FRMD4A: variants seen among roughly 807,000 people sequenced by gnomAD.
The protein encoded by FRMD4A is FERM domain containing 4A.
Under a neutral mutation model 129.1 loss-of-function variants are expected in FRMD4A, and 29 were observed. The observed-to-expected ratio is 0.22, with a 90% confidence interval of 0.17 to 0.31. The LOEUF is 0.31. Among genes scored for constraint, FRMD4A ranks in the 10% least tolerant of loss-of-function variants. The probability of loss-of-function intolerance (pLI) is 1.00; values close to 1 mark genes in which losing one functional copy is unlikely to be tolerated. For missense variants in FRMD4A, 1,272 were observed against 1,375.8 expected, an observed-to-expected ratio of 0.92 and a Z score of 1.19; for synonymous variants, 634 against 571.6, an observed-to-expected ratio of 1.11 and a Z score of -1.56.
At chr10:13,812,592 A>AG (rs1339811213) in intron 3 of FRMD4A, among the ~76,000 whole-genome samples, 7 of 152,256 alleles carry the variant, frequency 4.6e-5, no homozygotes, top group Non-Finnish European at 1.0e-4. Context: ...GACTTTTAAC[A>AG]GGGACACGGA....
At chr10:13,787,836 C>T (rs2092906394) in intron 5 of FRMD4A, among the ~76,000 whole-genome samples, 1 of 148,408 alleles carries the variant, frequency 6.7e-6, no homozygotes, top group South Asian at 2.1e-4. Flanking sequence ...AATCCCAGCA[C>T]TTTGGGAGGC....
rs1257068368 is a variant in FRMD4A at position 13,699,238 on chromosome 10, T to TG, written c.975+2101_975+2102insC. On this transcript the variant is annotated intron_variant, in intron 14 of 24. Coordinates refer to ENST00000357447, the MANE Select transcript of FRMD4A (RefSeq NM_018027.5). ...GCTTGGTTATTGTTTTTTTTTTTTTTTTTTTTTTTTGTATTTTTAGTAAAG... is the reference window on the plus strand; with the variant it reads ...GCTTGGTTATTGTTTTTTTTTTTTTTGTTTTTTTTTTGTATTTTTAGTAAAG... 6.8e-3 allele frequency among the ~76,000 whole-genome samples: 999 copies of TG among 147,038 alleles called. 10 individuals carry two copies. The highest frequency in any genetic ancestry group is 0.022 in the African/African-American group (893 of 40,086).
intron 15 of FRMD4A, among the ~76,000 whole-genome samples, chr10:13,688,354 T>G (rs2085301863): frequency 6.7e-6 from 1 of 150,370 alleles, no homozygotes; most frequent in African/African-American, 2.5e-5. Context: ...TGAGAACACA[T>G]GGACACAGGA....
intron 2 of FRMD4A, among the ~76,000 whole-genome samples, chr10:13,861,549 A>G (rs1441191766): frequency 6.6e-6 from 1 of 152,188 alleles, no homozygotes; most frequent in Non-Finnish European, 1.5e-5. Context: ...AGTTTCACAT[A>G]CTCCTAAACA....
chr10:13,705,328 G>A (rs2087312054), intron 13 of FRMD4A, among the ~76,000 whole-genome samples: 1 of 152,154 alleles, frequency 6.6e-6, no homozygotes, highest in African/African-American at 2.4e-5. Context: ...CACCAATAGG[G>A]CGACAGACGC....
chr10:14,151,113 T>G (rs1840316996), intron 2 of FRMD4A, among the ~76,000 whole-genome samples: 1 of 152,182 alleles, frequency 6.6e-6, no homozygotes, highest in African/African-American at 2.4e-5. Context: ...CCCTCCTGAG[T>G]CTGGTAGGGT....
At chr10:13,962,444 T>C (rs1004394185) in intron 2 of FRMD4A, among the ~76,000 whole-genome samples, 2 of 152,200 alleles carry the variant, frequency 1.3e-5, no homozygotes, top group African/African-American at 4.8e-5. Context: ...AACTTGTCTC[T>C]TACATGATGA....
rs867446041 is a variant in FRMD4A, at chr10:13,657,200, T to C, written c.2389A>G (p.Ser797Gly). ...GCCAGGTTGGGCATGCTGCCCGAGC[T>C]GGCTGAGCCCAGTGCGCCCGCCGCC... Reference protein sequence around the residue: ...QRAAGALGSASSGSMPNLAAR... With the variant: ...QRAAGALGSAGSGSMPNLAAR... Residue 797 changes from serine (S) to glycine (G), a missense_variant, in exon 22 of 25, where the codon AGC (serine) becomes GGC (glycine). Physicochemically the swap from Ser to Gly is moderately conservative, Grantham distance 56. This residue lies in a region of FRMD4A where 972 missense variants were observed against 892.3 expected (regional missense o/e 1.09). Transcript: ENST00000357447. The C allele has an allele frequency of 5.2e-6, 8 of 1,527,186 alleles. No homozygotes were observed. Among genetic ancestry groups the C allele is most frequent in the South Asian group, 2.4e-5 (2 of 82,444 alleles). The allele number at this position is 1,527,186 out of a possible 1,614,324, so 94.6% of individuals were successfully genotyped here.
intron 6 of FRMD4A, among the ~76,000 whole-genome samples, chr10:13,776,191 A>G (rs1174189824): frequency 6.6e-6 from 1 of 152,010 alleles, no homozygotes; most frequent in African/African-American, 2.4e-5. Flanking sequence ...ACTCACTGCA[A>G]CCTCCGCCTT....
intron 2 of FRMD4A, among the ~76,000 whole-genome samples, chr10:14,135,182 G>A (rs773847098): frequency 5.3e-5 from 8 of 152,160 alleles, no homozygotes; most frequent in Non-Finnish European, 1.0e-4. Context: ...AACTTAATAT[G>A]GCCTGAGAAA....
intron 2 of FRMD4A, among the ~76,000 whole-genome samples, chr10:14,064,229 A>T (rs956654019): frequency 6.6e-6 from 1 of 152,218 alleles, no homozygotes; most frequent in African/African-American, 2.4e-5. Context: ...GAGGTCCTGA[A>T]AATAGGCTAT....
intron 2 of FRMD4A, among the ~76,000 whole-genome samples, chr10:14,295,017 G>C (rs998777369): frequency 1.4e-4 from 21 of 152,150 alleles, no homozygotes; most frequent in Non-Finnish European, 2.4e-4. Context: ...AGAAGACAAA[G>C]TATTTTTAGT....
intron 12 of FRMD4A, among the ~76,000 whole-genome samples, chr10:13,709,845 T>C (rs761761592): frequency 1.3e-5 from 2 of 152,140 alleles, no homozygotes; most frequent in Non-Finnish European, 2.9e-5. Context: ...TCTTTCTTTA[T>C]ATCTTTATTC....
intron 2 of FRMD4A, among the ~76,000 whole-genome samples, chr10:13,961,389 T>C (rs2095444802): frequency 6.6e-6 from 1 of 152,204 alleles, no homozygotes; most frequent in African/African-American, 2.4e-5. Context: ...ATAGGCCAGC[T>C]GGTTTTCAAA....
chr10:13,768,961 A>T (rs2092371166), intron 6 of FRMD4A, among the ~76,000 whole-genome samples: 1 of 149,592 alleles, frequency 6.7e-6, no homozygotes, highest in Non-Finnish European at 1.5e-5. Flanking sequence ...AGTATGTCTT[A>T]GCATTTATAG....
At chr10:13,747,239 A>G (rs895863171) in intron 9 of FRMD4A, among the ~76,000 whole-genome samples, 3 of 151,994 alleles carry the variant, frequency 2.0e-5, no homozygotes, top group Non-Finnish European at 4.4e-5. Flanking sequence ...ACTTAAGTAA[A>G]TGTAGAAAAC....
At chr10:14,045,220 A>T (rs1289202819) in intron 2 of FRMD4A, among the ~76,000 whole-genome samples, 1 of 150,978 alleles carries the variant, frequency 6.6e-6, no homozygotes, top group African/African-American at 2.4e-5. Context: ...TCATGACTTC[A>T]TGTGACTTAC....
chr10:13,707,715 T>C, intron 12 of FRMD4A: 2 of 985,582 alleles, frequency 2.0e-6, no homozygotes, highest in Non-Finnish European at 2.4e-6. Flanking sequence ...CAACTCAAGA[T>C]CACAGTGTGA....
intron 2 of FRMD4A, among the ~76,000 whole-genome samples, chr10:14,146,234 C>A (rs1468703139): frequency 1.3e-5 from 2 of 152,218 alleles, no homozygotes; most frequent in Non-Finnish European, 2.9e-5. Context: ...TCTTCGTCAT[C>A]ATTTCTCTAC....
Sources: gnomAD v4.1 joint callset for allele counts (sites outside exome capture counted in the v4.1 genomes callset) on GRCh38, gnomAD v4.1.1 for gene constraint, gnomAD v4.1.1 regional missense constraint, MANE v1.5 for transcripts, NCBI Gene and HGNC (gene_info 2026-07-23, HGNC 2026-07-21) for gene names.